Variants in NCK2 observed in about 807,000 individuals in gnomAD.
NCK2 encodes the protein NCK adaptor protein 2.
A neutral mutation model predicts 33.9 loss-of-function variants in NCK2; 16 were observed. The observed-to-expected ratio is 0.47, with a 90% CI of 0.32 to 0.72. NCK2 has a LOEUF of 0.72. NCK2 is among the 30% of genes least tolerant of loss of function. The pLI is 0.03. For synonymous variants in NCK2, 273 were observed against 239.9 expected (o/e 1.14, Z -1.27); for missense variants, 418 against 537.3 (o/e 0.78, Z 2.19).
intron 3 of NCK2, among the ~76,000 whole-genome samples, chr2:105,860,731 A>C (rs1258281534): frequency 6.6e-6 from 1 of 151,964 alleles, no homozygotes; most frequent in African/African-American, 2.4e-5. Context: ...ACACTGGTCC[A>C]TAGAGAGCCG....
At chr2:105,746,845 T>G (rs1689303966) in intron 1 of NCK2, among the ~76,000 whole-genome samples, 1 of 152,228 alleles carries the variant, frequency 6.6e-6, no homozygotes, top group South Asian at 2.1e-4. Flanking sequence ...TTCTGGCGGC[T>G]ACTTGAGGCT....
intron 1 of NCK2, among the ~76,000 whole-genome samples, chr2:105,782,720 G>A (rs891461578): frequency 6.6e-6 from 1 of 152,176 alleles, no homozygotes; most frequent in Non-Finnish European, 1.5e-5. Context: ...TTGGCAAAAT[G>A]GGCTGCAGCT....
intron 1 of NCK2, among the ~76,000 whole-genome samples, chr2:105,798,363 C>T (rs1005904047): frequency 5.9e-5 from 9 of 152,040 alleles, no homozygotes; most frequent in African/African-American, 2.2e-4. Context: ...TTAGCTGAGT[C>T]ATTTTTTTTT....
chr2:105,787,132 C>T (rs934650237), intron 1 of NCK2, among the ~76,000 whole-genome samples: 2 of 152,238 alleles, frequency 1.3e-5, no homozygotes, highest in African/African-American at 4.8e-5. Context: ...CTGCCCTCAC[C>T]TTTGACCCTC....
chr2:105,748,080 A>G (rs1039647674), intron 1 of NCK2, among the ~76,000 whole-genome samples: 1 of 152,218 alleles, frequency 6.6e-6, no homozygotes, highest in Non-Finnish European at 1.5e-5. Flanking sequence ...TGGCACATAC[A>G]TTCCTACCTC....
chr2:105,820,002 A>C (rs529785388), intron 2 of NCK2, among the ~76,000 whole-genome samples: 187 of 152,332 alleles, frequency 1.2e-3, no homozygotes, highest in African/African-American at 4.4e-3. Context: ...GGACTGTGCT[A>C]ACTGCTGTAG....
At chr2:105,848,205 G>A (rs1289270087) in intron 2 of NCK2, among the ~76,000 whole-genome samples, 3 of 152,186 alleles carry the variant, frequency 2.0e-5, no homozygotes, top group African/African-American at 7.2e-5. Context: ...AATCCTCACC[G>A]AAGCTCTGAC....
At chr2:105,788,645 C>A (rs1482850448) in intron 1 of NCK2, among the ~76,000 whole-genome samples, 2 of 152,158 alleles carry the variant, frequency 1.3e-5, no homozygotes, top group Admixed American at 6.5e-5. Context: ...CAGTGCAGAA[C>A]TTCCTCATCT....
intron 1 of NCK2, among the ~76,000 whole-genome samples, chr2:105,750,015 G>A (rs1402541154): frequency 7.9e-6 from 1 of 126,276 alleles, no homozygotes; most frequent in African/African-American, 2.7e-5. Flanking sequence ...GACAGCGTGA[G>A]ACCCTGTCTC....
chr2:105,844,132 A>T (rs1393847653), intron 2 of NCK2, among the ~76,000 whole-genome samples: 2 of 152,162 alleles, frequency 1.3e-5, no homozygotes, highest in African/African-American at 4.8e-5. Flanking sequence ...TTCTCATGAC[A>T]TCAGACAAAT....
At chr2:105,802,038 G>A (rs1028046372) in intron 1 of NCK2, among the ~76,000 whole-genome samples, 1 of 152,172 alleles carries the variant, frequency 6.6e-6, no homozygotes, top group African/African-American at 2.4e-5. Context: ...GGCCTCAACT[G>A]CCTACTGCCT....
At chr2:105,883,392 G>T (rs112190567) in intron 4 of NCK2, among the ~76,000 whole-genome samples, 8 of 152,178 alleles carry the variant, frequency 5.3e-5, no homozygotes, top group Non-Finnish European at 1.2e-4. Flanking sequence ...TAAGTGCTTG[G>T]TCCAGAGTCC....
chr2:105,816,105 A>C (rs1057329938), intron 1 of NCK2, among the ~76,000 whole-genome samples: 1 of 152,188 alleles, frequency 6.6e-6, no homozygotes, highest in Non-Finnish European at 1.5e-5. Context: ...CTTTAGGCAC[A>C]GAGCAGCTTT....
At chr2:105,885,856 T>G (rs1678700623) in intron 4 of NCK2, among the ~76,000 whole-genome samples, 1 of 152,258 alleles carries the variant, frequency 6.6e-6, no homozygotes, top group African/African-American at 2.4e-5. Context: ...TTGAGTGGGA[T>G]TTATCTCTTG....
intron 4 of NCK2, 71 bp from the exon 5 acceptor site, chr2:105,892,911 G>C: frequency 7.8e-7 from 1 of 1,282,130 alleles, no homozygotes; most frequent in East Asian, 2.4e-5. Flanking sequence ...AGACGCACAA[G>C]AGATGTGGAT....
At chr2:105,835,407 G>GTA (rs1491345836) in intron 2 of NCK2, among the ~76,000 whole-genome samples, 202 of 19,626 alleles carry the variant, frequency 0.01, 9 homozygotes, top group Non-Finnish European at 0.022. Context: ...ATATATATAC[G>GTA]TGTATATATA....
intron 1 of NCK2, among the ~76,000 whole-genome samples, chr2:105,750,069 A>ACACACACACACACACACACACACAC: frequency 1.8e-5 from 1 of 56,692 alleles, no homozygotes; most frequent in East Asian, 8.0e-4. Context: ...CACACACACA[A>ACACACACACACACACACACACACAC]AACAACAACA....
intron 2 of NCK2, among the ~76,000 whole-genome samples, chr2:105,844,577 A>C (rs1281909785): frequency 3.6e-5 from 5 of 138,600 alleles, no homozygotes; most frequent in Admixed American, 2.1e-4. Flanking sequence ...AAAAAAACAA[A>C]AAAAAAAAAA....
At chr2:105,868,312 T>C (rs564624569) in intron 3 of NCK2, among the ~76,000 whole-genome samples, 7 of 152,322 alleles carry the variant, frequency 4.6e-5, no homozygotes, top group Non-Finnish European at 7.4e-5. Context: ...TCACAGATTT[T>C]GGGCACGCAC....
Sources: allele counts gnomAD v4.1 joint callset (sites outside exome capture counted in the v4.1 genomes callset), GRCh38; gene constraint gnomAD v4.1.1; transcripts MANE v1.5; gene names NCBI Gene and HGNC (gene_info 2026-07-23, HGNC 2026-07-21).